Variants in KCNQ1 observed in about 807,000 individuals in gnomAD.
The protein encoded by KCNQ1 is potassium voltage-gated channel subfamily Q member 1, also known as potassium voltage-gated channel subfamily KQT member 1.
KCNQ1 carries 49 observed loss-of-function variants against 72.4 expected under a neutral mutation model. That is an observed-to-expected ratio of 0.68 (90% confidence interval 0.54 to 0.86). The LOEUF is 0.86. KCNQ1 is among the 40% of genes least tolerant of loss of function. The pLI is 0.00. For missense variants in KCNQ1, 790 were observed against 945.1 expected (o/e 0.84, Z 2.15); for synonymous variants, 450 against 412.6 (o/e 1.09, Z -1.10).
chr11:2,773,215 T>C (rs1846631018), intron 12 of KCNQ1, among the ~76,000 whole-genome samples: 1 of 151,898 alleles, frequency 6.6e-6, no homozygotes, highest in Non-Finnish European at 1.5e-5. Flanking sequence ...AGATCAAGGC[T>C]CAGTATCCCA....
chr11:2,682,423 T>C lies in KCNQ1; in HGVS notation c.1514+20342T>C. 2.5e-6 allele frequency: 1 copy of C among 398,638 alleles called. No individual in the cohort carries two copies. 24.7% of individuals were successfully genotyped at this position (398,638 alleles called of 1,614,324 possible). ...GGCTGTTTCTATTCAGTGTTTTATCTTCAGTGCTTAATCCATATGGAGCCT... is the reference window on the plus strand; with the variant it reads ...GGCTGTTTCTATTCAGTGTTTTATCCTCAGTGCTTAATCCATATGGAGCCT... On this transcript the variant is annotated intron_variant, in intron 11 of 15. Transcript: ENST00000155840. This position sits in a 1 kb window ranked among gnomAD's most constrained non-coding sequence, Gnocchi z 5.8.
chr11:2,604,152 CAT>C (rs1429568749), intron 10 of KCNQ1, among the ~76,000 whole-genome samples: 1 of 151,944 alleles, frequency 6.6e-6, no homozygotes, highest in Non-Finnish European at 1.5e-5. Context: ...TTTGTGTGGA[CAT>C]GTGTTTTCAT....
chr11:2,527,878 G>T, intron 1 of KCNQ1, 50 bp from the exon 2 acceptor site: 1 of 1,540,614 alleles, frequency 6.5e-7, no homozygotes, highest in Non-Finnish European at 9.0e-7. Flanking sequence ...AGGTGCATCT[G>T]TGGGATGGGC....
intron 15 of KCNQ1, among the ~76,000 whole-genome samples, chr11:2,829,740 G>A (rs234854): frequency 0.66 from 100,777 of 151,884 alleles, 34,601 homozygotes; most frequent in South Asian, 0.76. Context: ...GTTTGGAAAT[G>A]CCAAGGTAAA....
Position 2,549,505 on chromosome 11 carries a change from C to T in KCNQ1, c.478-21123C>T, listed in dbSNP as rs1847947664. On this transcript the variant is annotated intron_variant, in intron 2 of 15. Coordinates refer to ENST00000155840, the MANE Select transcript of KCNQ1 (RefSeq NM_000218.3). This position sits in a 1 kb window ranked among gnomAD's most constrained non-coding sequence, Gnocchi z 6.2. ...CTCGAGGAGGGTCCCCCGGGGGCTG[C>T]AAAAGCAGAGGGAGTGGAGTGTCAC... is the stretch of plus-strand genomic sequence containing the variant. Among the ~76,000 whole-genome samples, 1 of 152,182 alleles carries T rather than the reference C, an allele frequency of 6.6e-6. No individual in the cohort carries two copies. The highest frequency in any genetic ancestry group is 1.5e-5 in the Non-Finnish European group (1 of 68,036).
At position 2,566,258 on chromosome 11, in the gene KCNQ1, G is replaced by A. The variant is rs948014782; in HGVS notation, c.478-4370G>A. On this transcript the variant is annotated intron_variant, in intron 2 of 15. Coordinates refer to ENST00000155840, the MANE Select transcript of KCNQ1 (RefSeq NM_000218.3). This position sits in a 1 kb window ranked among gnomAD's most constrained non-coding sequence, Gnocchi z 6.7. ...CACCCACTCATCTGGCAGTAACAGG[G>A]CCACTTCCAGAACCACCACCATGCC... is the stretch of plus-strand genomic sequence containing the variant. Among the ~76,000 whole-genome samples the A allele has an allele frequency of 8.5e-5, 13 of 152,190 alleles. No individual in the cohort carries two copies. The highest frequency in any genetic ancestry group is 6.5e-4 in the Admixed American group (10 of 15,278).
In KCNQ1 at chr11:2,669,511, G is replaced by GT. The variant is rs1850143847; in HGVS notation, c.1514+7433dup. On this transcript the variant is annotated intron_variant, in intron 11 of 15. Coordinates refer to ENST00000155840, the MANE Select transcript of KCNQ1 (RefSeq NM_000218.3). The surrounding 1 kb of genome is among the most constrained non-coding windows in gnomAD (Gnocchi z 5.6). ...CAGATTCATTCCTTGTCAGCTAATG[G>GT]TTTGATGTATGTTCGCTGAATCCAG... 4 of 398,622 alleles carry GT rather than the reference G, an allele frequency of 1.0e-5. No individual in the cohort carries two copies. The East Asian group carries it at 1.4e-4, about 14-fold the overall frequency. 24.7% of individuals were successfully genotyped at this position (398,622 alleles called of 1,614,324 possible).
intron 10 of KCNQ1, chr11:2,656,971 T>C (rs1849861452): frequency 1.0e-5 from 4 of 398,528 alleles, no homozygotes; most frequent in African/African-American, 6.2e-5. Flanking sequence ...GAACATTTGA[T>C]TGAAAAGTCC....
In KCNQ1 at chr11:2,483,143, G is replaced by T. The variant is rs151004907; in HGVS notation, c.386+37659G>T. 1.3e-5 allele frequency among the ~76,000 whole-genome samples: 2 copies of T among 152,286 alleles called. No individual in the cohort carries two copies. The highest frequency in any genetic ancestry group is 1.3e-4 in the Admixed American group (2 of 15,296). ...AGACAGAGGGCATGGCACATGCAAA[G>T]GTCCTGTGTTGGGAACGTGCTTGGT... On this transcript the variant is annotated intron_variant, in intron 1 of 15. Coordinates refer to ENST00000155840, the MANE Select transcript of KCNQ1 (RefSeq NM_000218.3). The surrounding 1 kb of genome is among the most constrained non-coding windows in gnomAD (Gnocchi z 6.1).
rs1846847999 is a variant in KCNQ1 at position 2,782,877 on chromosome 11, CT to C, written c.1794+4843del. Among the ~76,000 whole-genome samples, 1 of 152,086 alleles carries C rather than the reference CT, an allele frequency of 6.6e-6. No homozygotes were observed. Among genetic ancestry groups the C allele is most frequent in the Non-Finnish European group, 1.5e-5 (1 of 68,004 alleles). ...TATTAAATGTTTCGTGGACTTCTGG[CT>C]TTGCTGATCCTCTCTATTGTGATTT... On this transcript the variant is annotated intron_variant, in intron 15 of 15. Coordinates refer to ENST00000155840, the MANE Select transcript of KCNQ1 (RefSeq NM_000218.3). This position sits in a 1 kb window ranked among gnomAD's most constrained non-coding sequence, Gnocchi z 6.1.
At chr11:2,485,137 C>G (rs965409139) in intron 1 of KCNQ1, among the ~76,000 whole-genome samples, 1 of 152,198 alleles carries the variant, frequency 6.6e-6, no homozygotes, top group Non-Finnish European at 1.5e-5. Flanking sequence ...TCTGTACTCC[C>G]TTCAGTGTGA....
At chr11:2,630,954 T>A in intron 10 of KCNQ1, 2 of 398,554 alleles carry the variant, frequency 5.0e-6, no homozygotes, top group Non-Finnish European at 4.4e-6. Context: ...ACTGATAGCC[T>A]TATGGAGGTT....
In KCNQ1 at chr11:2,572,841, C is replaced by A; in HGVS notation, c.781-5C>A. ...GAGCCCGACACTGTGTGTTTTCTGGCCTAGGAGCTGATAACCACCCTGTAC... is the reference window on the plus strand; with the variant it reads ...GAGCCCGACACTGTGTGTTTTCTGGACTAGGAGCTGATAACCACCCTGTAC... On this transcript the variant is annotated splice_polypyrimidine_tract_variant and splice_region_variant and intron_variant, in intron 5 of 15. Transcript: ENST00000155840. 1 of 1,613,718 alleles carries A rather than the reference C, an allele frequency of 6.2e-7. No homozygotes were observed. The highest frequency in any genetic ancestry group is 1.7e-5 in the Admixed American group (1 of 60,020).
chr11:2,593,997 G>T lies in KCNQ1; in HGVS notation c.1393+5143G>T, dbSNP rs1301630384. On this transcript the variant is annotated intron_variant, in intron 10 of 15. Transcript: ENST00000155840. The surrounding 1 kb of genome is among the most constrained non-coding windows in gnomAD (Gnocchi z 6.9). ...CTGGGCCTTTGTTGCCCAGTATTTT[G>T]GTTTTGTCTTTTAAACAATCCTCTT... Among the ~76,000 whole-genome samples the T allele has an allele frequency of 6.6e-6, 1 of 152,050 alleles. No homozygotes were observed. Among genetic ancestry groups the T allele is most frequent in the Non-Finnish European group, 1.5e-5 (1 of 68,006 alleles).
rs1467978703 is a variant in KCNQ1 at position 2,509,663 on chromosome 11, T to C, written c.387-18265T>C. 2.0e-5 allele frequency among the ~76,000 whole-genome samples: 3 copies of C among 152,060 alleles called. No homozygotes were observed. Among genetic ancestry groups the C allele is most frequent in the South Asian group, 2.1e-4 (1 of 4,824 alleles). On this transcript the variant is annotated intron_variant, in intron 1 of 15. Transcript: ENST00000155840. This position sits in a 1 kb window ranked among gnomAD's most constrained non-coding sequence, Gnocchi z 6.3. ...TTCACTCCCAGCACGTCACGCCACG[T>C]CCCTTTCCTCTGCTTTGTTCCTCCT...
Position 2,704,726 on chromosome 11 carries a change from G to A in KCNQ1, c.1514+42645G>A, listed in dbSNP as rs899858157. Reference sequence around the variant, plus strand: ...GCGAGCATCTGTGGAGGTGTGAGAAGTGCCAGGCTGGGCTCCCTCAGGCGG... The same window carrying A: ...GCGAGCATCTGTGGAGGTGTGAGAAATGCCAGGCTGGGCTCCCTCAGGCGG... On this transcript the variant is annotated intron_variant, in intron 11 of 15. Coordinates refer to ENST00000155840, the MANE Select transcript of KCNQ1 (RefSeq NM_000218.3). The surrounding 1 kb of genome is among the most constrained non-coding windows in gnomAD (Gnocchi z 4.3). 4.3e-4 allele frequency among the ~76,000 whole-genome samples: 65 copies of A among 152,212 alleles called. No individual in the cohort carries two copies. The highest frequency in any genetic ancestry group is 1.5e-4 in the Non-Finnish European group (10 of 68,040).
intron 1 of KCNQ1, among the ~76,000 whole-genome samples, chr11:2,505,865 T>C (rs1847095586): frequency 2.0e-5 from 3 of 152,244 alleles, no homozygotes. Context: ...TCAATCTTTT[T>C]GTGTCTTTGG....
intron 11 of KCNQ1, among the ~76,000 whole-genome samples, chr11:2,755,049 C>T (rs1337176719): frequency 2.0e-5 from 3 of 152,154 alleles, no homozygotes; most frequent in African/African-American, 7.2e-5. Flanking sequence ...GGCTGGAGGG[C>T]GTCATTAGGG....
intron 1 of KCNQ1, among the ~76,000 whole-genome samples, chr11:2,485,572 C>T (rs1846728719): frequency 6.6e-6 from 1 of 152,146 alleles, no homozygotes; most frequent in Non-Finnish European, 1.5e-5. Context: ...TTTTTAAGCA[C>T]ACAGTTCAGT....
Sources: allele counts gnomAD v4.1 joint callset (sites outside exome capture counted in the v4.1 genomes callset), GRCh38; gene constraint gnomAD v4.1.1; non-coding constraint Gnocchi (gnomAD v3.1); transcripts MANE v1.5; gene names NCBI Gene and HGNC (gene_info 2026-07-23, HGNC 2026-07-21).